Variants in DNAJA2 observed in about 807,000 individuals in gnomAD.
DNAJA2 encodes dnaJ homolog subfamily A member 2.
Under a neutral mutation model 49.3 loss-of-function variants are expected in DNAJA2, and 6 were observed. That is an observed-to-expected ratio of 0.12 (90% CI 0.07 to 0.24). The LOEUF is 0.24. Ranked by LOEUF, DNAJA2 falls within the 10% of genes least tolerant of loss-of-function variation. The pLI is 1.00. For missense variants in DNAJA2, 347 were observed against 516.8 expected (o/e 0.67, Z 3.19); for synonymous variants, 160 against 172.7 (o/e 0.93, Z 0.58).
At chr16:46,958,852 G>C in intron 8 of DNAJA2, 151 bp downstream of exon 8, 1 of 787,836 alleles carries the variant, frequency 1.3e-6, no homozygotes, top group Non-Finnish European at 1.9e-6. Context: ...GCTGAGGTGA[G>C]AGGATCGCTT....
chr16:46,970,070 T>A (rs2143660594), intron 3 of DNAJA2, among the ~76,000 whole-genome samples: 1 of 152,312 alleles, frequency 6.6e-6, no homozygotes, highest in East Asian at 1.9e-4. Context: ...TCTAATTTAC[T>A]CAAGTGTATA....
chr16:46,960,978 G>C (rs1002261660), intron 6 of DNAJA2, among the ~76,000 whole-genome samples: 3 of 152,168 alleles, frequency 2.0e-5, no homozygotes, highest in African/African-American at 7.2e-5. Context: ...CTGCACTCCA[G>C]CCTGGGAGAC....
Position 46,973,629 on chromosome 16 carries a change from G to T in DNAJA2, c.-57C>A, listed in dbSNP as rs1962091958. 1.3e-6 allele frequency: 2 copies of T among 1,547,790 alleles called. No individual in the cohort carries two copies. Among genetic ancestry groups the T allele is most frequent in the Non-Finnish European group, 8.7e-7 (1 of 1,148,306 alleles). On this transcript the variant is annotated 5_prime_UTR_variant, in exon 1 of 9. Coordinates refer to ENST00000317089, the MANE Select transcript of DNAJA2 (RefSeq NM_005880.4). ...GTGGCGAAGCAGACAGAGCGGAGTC[G>T]GGCCCACAAGCGGCGTCGGCGGCGG...
At chr16:46,966,933 T>A (rs569562999) in intron 5 of DNAJA2, among the ~76,000 whole-genome samples, 1 of 152,342 alleles carries the variant, frequency 6.6e-6, no homozygotes, top group East Asian at 1.9e-4. Context: ...AATAAAAGGT[T>A]ATATTTGATA....
At chr16:46,966,931 G>T (rs922827680) in intron 5 of DNAJA2, among the ~76,000 whole-genome samples, 3 of 152,110 alleles carry the variant, frequency 2.0e-5, no homozygotes, top group African/African-American at 7.2e-5. Flanking sequence ...TAAATAAAAG[G>T]TTATATTTGA....
At chr16:46,971,787 G>A (rs1962053841) in intron 2 of DNAJA2, 109 bp downstream of exon 2, 3 of 1,024,242 alleles carry the variant, frequency 2.9e-6, no homozygotes, top group East Asian at 2.4e-5. Context: ...TGAAAATGTG[G>A]CTGTGTGGGC....
At chr16:46,958,057 G>C (rs1488179277) in intron 8 of DNAJA2, among the ~76,000 whole-genome samples, 1 of 152,182 alleles carries the variant, frequency 6.6e-6, no homozygotes. Context: ...ACTTGAAGTC[G>C]GCTGGGTGCA....
chr16:46,967,997 A>C (rs566350491), intron 4 of DNAJA2, 87 bp downstream of exon 4: 2 of 1,299,884 alleles, frequency 1.5e-6, no homozygotes, highest in South Asian at 2.8e-5. Context: ...GTTTTAACTT[A>C]TAACAATTTT....
chr16:46,972,847 TAA>T (rs1962073991), intron 1 of DNAJA2: 1 of 152,256 alleles, frequency 6.6e-6, no homozygotes, highest in African/African-American at 2.4e-5. Context: ...GGCTTATTCC[TAA>T]GCAGGTACAG....
intron 1 of DNAJA2, 53 bp downstream of exon 1, chr16:46,973,442 C>T: frequency 4.6e-6 from 7 of 1,524,864 alleles, no homozygotes; most frequent in Non-Finnish European, 6.1e-6. Context: ...GAAGACATCC[C>T]TGGCCGCGCA....
At position 46,957,024 on chromosome 16, in the gene DNAJA2, A is replaced by G; in HGVS notation, c.*5T>C. 1 of 1,614,178 alleles carries G rather than the reference A, an allele frequency of 6.2e-7. No individual in the cohort carries two copies. Among genetic ancestry groups the G allele is most frequent in the Non-Finnish European group, 8.5e-7 (1 of 1,180,016 alleles). ...AAATCCACCTGTGCAATTTGTTTGC[A>G]GAGTTTACTGATGGGCACACTGCAC... On this transcript the variant is annotated 3_prime_UTR_variant, in exon 9 of 9. Coordinates refer to ENST00000317089, the MANE Select transcript of DNAJA2 (RefSeq NM_005880.4).
intron 3 of DNAJA2, among the ~76,000 whole-genome samples, chr16:46,968,369 T>C (rs1339104133): frequency 1.3e-5 from 2 of 152,220 alleles, no homozygotes; most frequent in Admixed American, 6.5e-5. Context: ...AGACAGTACA[T>C]ATATGATACC....
chr16:46,967,397 T>G (rs947902711), intron 5 of DNAJA2, 116 bp downstream of exon 5: 18 of 1,354,846 alleles, frequency 1.3e-5, no homozygotes, highest in Middle Eastern at 4.5e-4. Flanking sequence ...CCGGCCTCCT[T>G]TTTCTTTAAT....
At chr16:46,958,873 G>A in intron 8 of DNAJA2, 130 bp downstream of exon 8, 1 of 955,466 alleles carries the variant, frequency 1.0e-6, no homozygotes, top group Non-Finnish European at 1.5e-6. Context: ...CAGCCCAGGA[G>A]GTCGAGGCTG....
Position 46,968,152 on chromosome 16 carries a change from T to C in DNAJA2, c.375A>G (p.Glu125=), listed in dbSNP as rs765122409. The C allele has an allele frequency of 6.3e-7, 1 of 1,599,568 alleles. No individual in the cohort carries two copies. The highest frequency in any genetic ancestry group is 2.3e-5 in the East Asian group (1 of 44,432). The part of the protein sequence containing the change: ...DMMHPLKVSL[E]DLYNGKTTKL... Reference sequence around the variant, plus strand: ...TGGTTGTCTTGCCATTATACAGATCTTCTAAAGATACTCTGGAAAGAAAAG... The same window carrying C: ...TGGTTGTCTTGCCATTATACAGATCCTCTAAAGATACTCTGGAAAGAAAAG... Residue 125 remains glutamate, a synonymous_variant, in exon 4 of 9, where the codon GAA becomes GAG. Transcript: ENST00000317089.
chr16:46,958,710 C>CG (rs1961852227), intron 8 of DNAJA2: 2 of 264,456 alleles, frequency 7.6e-6, no homozygotes, highest in Non-Finnish European at 1.4e-5. Context: ...ACCTGGGAGG[C>CG]GGGGGGTACA....
In DNAJA2 at chr16:46,956,884, A is replaced by C; in HGVS notation, c.*145T>G. 2.4e-6 allele frequency: 2 copies of C among 834,970 alleles called. No individual in the cohort carries two copies. Among genetic ancestry groups the C allele is most frequent in the Non-Finnish European group, 3.9e-6 (2 of 508,636 alleles). The allele number at this position is 834,970 out of a possible 1,614,324, so 51.7% of individuals were successfully genotyped here. On this transcript the variant is annotated 3_prime_UTR_variant, in exon 9 of 9. Coordinates refer to ENST00000317089, the MANE Select transcript of DNAJA2 (RefSeq NM_005880.4). ...TTAGTTTAAATTATACACTCTGTAG[A>C]TACTATACCAATTTTAAAAGTTATA...
chr16:46,959,336 A>G lies in DNAJA2; in HGVS notation c.858T>C (p.Phe286=). The change falls in exon 7 of 9, where the codon TTT becomes TTC. Residue 286 remains phenylalanine, a synonymous_variant. Coordinates refer to ENST00000317089, the MANE Select transcript of DNAJA2 (RefSeq NM_005880.4). ...VEALCGFQFT[F]KHLDGRQIVV... is the part of the protein sequence containing the mutation. ...CAATCTGACGTCCATCAAGGTGCTT[A>G]AATGTGAACTGAAATCCACATAGAG... 1 of 1,614,096 alleles carries G rather than the reference A, an allele frequency of 6.2e-7. No individual in the cohort carries two copies. Among genetic ancestry groups the G allele is most frequent in the Non-Finnish European group, 8.5e-7 (1 of 1,179,958 alleles).
intron 6 of DNAJA2, among the ~76,000 whole-genome samples, chr16:46,961,537 T>G (rs914140339): frequency 6.7e-6 from 1 of 148,934 alleles, no homozygotes; most frequent in Non-Finnish European, 1.5e-5. Context: ...AAAAATACAA[T>G]TGCGCCACTA....
Sources: gnomAD v4.1 joint callset for allele counts (sites outside exome capture counted in the v4.1 genomes callset) on GRCh38, gnomAD v4.1.1 for gene constraint, MANE v1.5 for transcripts, NCBI Gene and HGNC (gene_info 2026-07-23, HGNC 2026-07-21) for gene names.